FUBP3: variants seen among roughly 807,000 people sequenced by gnomAD.
The protein encoded by FUBP3 is far upstream element-binding protein 3.
Under a neutral mutation model 85.6 loss-of-function variants are expected in FUBP3, and 28 were observed. That is an observed-to-expected ratio of 0.33 (90% CI 0.24 to 0.45). The LOEUF is 0.45. Ranked by LOEUF, FUBP3 falls within the 20% of genes least tolerant of loss-of-function variation. The pLI, the probability that FUBP3 is intolerant of heterozygous loss-of-function variation, is 1.00. For synonymous variants in FUBP3, 271 were observed against 271.4 expected (o/e 1.00, Z 0.01); for missense variants, 583 against 755.1 (o/e 0.77, Z 2.67).
At chr9:130,607,343 T>C (rs2119060284) in intron 2 of FUBP3, among the ~76,000 whole-genome samples, 1 of 152,014 alleles carries the variant, frequency 6.6e-6, no homozygotes, top group Admixed American at 6.6e-5. Context: ...AAAGAATTTA[T>C]GATATCGTAG....
intron 9 of FUBP3, among the ~76,000 whole-genome samples, chr9:130,622,320 C>CAAA (rs917479721): frequency 5.0e-4 from 22 of 44,318 alleles, no homozygotes; most frequent in African/African-American, 1.8e-3. Context: ...ACTCCATCTC[C>CAAA]AAAAAAAAAA....
chr9:130,616,554 C>T lies in FUBP3; in HGVS notation c.567+37C>T, dbSNP rs750542056. ...CGGAGCACGGAGCACAGCGGCCGCT[C>T]GCAGCAGGTCTTCAGCTTCCTGGCC... On this transcript the variant is annotated intron_variant, in intron 7 of 18. Transcript: ENST00000319725. This position sits in a 1 kb window ranked among gnomAD's most constrained non-coding sequence, Gnocchi z 4.7. 7.5e-6 allele frequency: 12 copies of T among 1,600,976 alleles called. No homozygotes were observed. Among genetic ancestry groups the T allele is most frequent in the African/African-American group, 1.3e-5 (1 of 74,658 alleles).
chr9:130,634,765 G>C (rs377300244), intron 17 of FUBP3, 27 bp downstream of exon 17: 6 of 1,565,164 alleles, frequency 3.8e-6, no homozygotes, highest in South Asian at 1.1e-5. Context: ...CCTAACCTGT[G>C]GCAGCACAGT....
chr9:130,615,288 T>C (rs1422665606), intron 6 of FUBP3, among the ~76,000 whole-genome samples: 4 of 152,228 alleles, frequency 2.6e-5, no homozygotes, highest in Non-Finnish European at 5.9e-5. Context: ...TACACGAAGC[T>C]GATTCTGTAC....
intron 6 of FUBP3, among the ~76,000 whole-genome samples, chr9:130,615,492 A>G (rs1187375762): frequency 1.3e-5 from 2 of 152,232 alleles, no homozygotes; most frequent in Admixed American, 6.5e-5. Context: ...ATTCTTCTCC[A>G]TTAGAGAAAC....
At chr9:130,631,825 T>A in intron 14 of FUBP3, 117 bp from the exon 15 acceptor site, 1 of 873,214 alleles carries the variant, frequency 1.1e-6, no homozygotes, top group South Asian at 1.5e-5. Flanking sequence ...TGGGAGCCTC[T>A]CAGAGGGCAG....
At position 130,636,300 on chromosome 9, in the gene FUBP3, C is replaced by G; in HGVS notation, c.1710+174C>G. ...AGAGCCCGGCTCCAGCCCCTCTGTC[C>G]CTCCTCGCTCTGGAGAAAAAGAGTT... On this transcript the variant is annotated intron_variant, in intron 18 of 18. Transcript: ENST00000319725. The G allele has an allele frequency of 9.7e-6, 7 of 724,346 alleles. No individual in the cohort carries two copies. In the South Asian group the frequency reaches 1.0e-4, roughly 11 times the overall value. The allele number at this position is 724,346 out of a possible 1,614,324, so 44.9% of individuals were successfully genotyped here.
intron 1 of FUBP3, among the ~76,000 whole-genome samples, chr9:130,592,577 C>T (rs1418278147): frequency 5.3e-5 from 8 of 152,104 alleles, no homozygotes; most frequent in African/African-American, 1.9e-4. Flanking sequence ...GATGGGGTCT[C>T]GCTCCATCTT....
intron 11 of FUBP3, among the ~76,000 whole-genome samples, chr9:130,625,597 C>G (rs902339400): frequency 7.9e-5 from 12 of 152,232 alleles, no homozygotes; most frequent in Non-Finnish European, 1.8e-4. Context: ...TCCAAAATGA[C>G]TCCGCGGACA....
chr9:130,627,511 C>T (rs1237591085), intron 12 of FUBP3, among the ~76,000 whole-genome samples: 4 of 152,232 alleles, frequency 2.6e-5, no homozygotes, highest in African/African-American at 9.6e-5. Flanking sequence ...CACTCACCTC[C>T]CAGGAGCTGC....
rs530372199 is a variant in FUBP3, at chr9:130,579,799, C to T, written c.84+35C>T. On this transcript the variant is annotated intron_variant, in intron 1 of 18. Coordinates refer to ENST00000319725, the MANE Select transcript of FUBP3 (RefSeq NM_003934.2). ...CAGCCGGCTGGCAGGAGCACGAGAT[C>T]CCGAGGCGGGGCCTGGCGGGCGGGG... 19 of 1,221,396 alleles carry T rather than the reference C, an allele frequency of 1.6e-5. No homozygotes were observed. The African/African-American group carries it at 2.2e-4, about 14-fold the overall frequency. The allele number at this position is 1,221,396 out of a possible 1,614,324, so 75.7% of individuals were successfully genotyped here.
chr9:130,609,631 G>A (rs1379407867), intron 2 of FUBP3, among the ~76,000 whole-genome samples: 4 of 152,182 alleles, frequency 2.6e-5, no homozygotes, highest in Non-Finnish European at 4.4e-5. Flanking sequence ...ATTGAGTTTG[G>A]ATCCAGAGCA....
At position 130,602,195 on chromosome 9, in the gene FUBP3, G is replaced by A. The variant is rs117686392; in HGVS notation, c.190+6607G>A. Reference sequence around the variant, plus strand: ...ACCAATGTATAGGAAAAAATGTAGCGTATACAGGGTTCGGTACTCTCCATG... The same window carrying A: ...ACCAATGTATAGGAAAAAATGTAGCATATACAGGGTTCGGTACTCTCCATG... On this transcript the variant is annotated intron_variant, in intron 2 of 18. Coordinates refer to ENST00000319725, the MANE Select transcript of FUBP3 (RefSeq NM_003934.2). Among the ~76,000 whole-genome samples, 488 of 152,232 alleles carry A rather than the reference G, an allele frequency of 3.2e-3. 9 individuals are homozygous for A. Among genetic ancestry groups the A allele is most frequent in the East Asian group, 8.5e-3 (44 of 5,176 alleles).
intron 16 of FUBP3, 43 bp from the exon 17 acceptor site, chr9:130,634,624 G>A (rs754660087): frequency 1.9e-6 from 3 of 1,559,666 alleles, no homozygotes; most frequent in Admixed American, 3.4e-5. Flanking sequence ...CCGAGGCTGT[G>A]AGGAGCCCGT....
At chr9:130,620,659 C>T (rs1428641830) in intron 9 of FUBP3, among the ~76,000 whole-genome samples, 3 of 152,084 alleles carry the variant, frequency 2.0e-5, no homozygotes, top group East Asian at 1.9e-4. Context: ...CACTTCAGGG[C>T]GTGGGGCCAT....
chr9:130,610,123 T>G, intron 3 of FUBP3, 136 bp downstream of exon 3: 1 of 694,876 alleles, frequency 1.4e-6, no homozygotes, highest in Middle Eastern at 3.2e-4. Flanking sequence ...AAGACTCGAG[T>G]TTTTTGCTAG....
At chr9:130,623,161 G>A (rs1371494579) in intron 10 of FUBP3, among the ~76,000 whole-genome samples, 1 of 151,996 alleles carries the variant, frequency 6.6e-6, no homozygotes, top group Non-Finnish European at 1.5e-5. Flanking sequence ...TTAAATTGGA[G>A]ATAATTTAAA....
intron 1 of FUBP3, among the ~76,000 whole-genome samples, chr9:130,583,693 A>G (rs1588108953): frequency 6.6e-6 from 1 of 152,220 alleles, no homozygotes; most frequent in East Asian, 1.9e-4. Flanking sequence ...GTTGGGACCC[A>G]GTAGAGTACC....
intron 1 of FUBP3, among the ~76,000 whole-genome samples, chr9:130,594,628 G>T (rs1008320407): frequency 1.3e-5 from 2 of 151,996 alleles, no homozygotes; most frequent in East Asian, 3.9e-4. Flanking sequence ...ACGTGGTGGT[G>T]CGTACTTGTA....
Sources: allele counts gnomAD v4.1 joint callset (sites outside exome capture counted in the v4.1 genomes callset), GRCh38; gene constraint gnomAD v4.1.1; non-coding constraint Gnocchi (gnomAD v3.1); transcripts MANE v1.5; gene names NCBI Gene and HGNC (gene_info 2026-07-23, HGNC 2026-07-21).